Variants in FBN2 observed in about 807,000 individuals in gnomAD.
The protein encoded by FBN2 is fibrillin 2.
FBN2 carries 105 observed loss-of-function variants against 355.6 expected under a neutral mutation model. That is an observed-to-expected ratio of 0.30 (90% confidence interval 0.25 to 0.35). The LOEUF (loss-of-function observed/expected upper bound fraction) is 0.35, where lower values mean the gene tolerates loss of function less well. Ranked by LOEUF, FBN2 falls within the 10% of genes least tolerant of loss-of-function variation. The probability of loss-of-function intolerance (pLI) is 1.00; values close to 1 mark genes in which losing one functional copy is unlikely to be tolerated. For missense variants in FBN2, 3,280 were observed against 3,758.7 expected (o/e 0.87, Z 3.33); for synonymous variants, 1,350 against 1,301.2 (o/e 1.04, Z -0.81).
intron 10 of FBN2, 82 bp from the exon 11 acceptor site, chr5:128,392,237 T>G (rs1752535679): frequency 1.7e-6 from 2 of 1,209,490 alleles, no homozygotes; most frequent in Admixed American, 3.4e-5. Flanking sequence ...GGACATTTAA[T>G]AGTAAATTAA....
rs879089995 is a variant in FBN2, at chr5:128,311,962, CA to C, written c.4880-10del. The C allele has an allele frequency of 6.2e-7, 1 of 1,601,486 alleles. No homozygotes were observed. The highest frequency in any genetic ancestry group is 1.1e-5 in the South Asian group (1 of 90,672). ...CAGGGTGTAATATTCAGCTACAAAA[CA>C]ATAGAAAAATAAGAGGTTTGATACC... On this transcript the variant is annotated splice_polypyrimidine_tract_variant and intron_variant, in intron 37 of 64. Coordinates refer to ENST00000262464, the MANE Select transcript of FBN2 (RefSeq NM_001999.4).
At chr5:128,428,382 T>G (rs1240139466) in intron 7 of FBN2, among the ~76,000 whole-genome samples, 1 of 152,204 alleles carries the variant, frequency 6.6e-6, no homozygotes, top group Non-Finnish European at 1.5e-5. Flanking sequence ...GGCCCTGGAC[T>G]ACATCTCTAA....
intron 15 of FBN2, 62 bp from the exon 16 acceptor site, chr5:128,369,396 G>T: frequency 6.4e-7 from 1 of 1,572,934 alleles, no homozygotes; most frequent in Non-Finnish European, 8.7e-7. Context: ...TTTCGAAACA[G>T]AAGGCTTCTT....
chr5:128,527,772 G>T, intron 4 of FBN2, 100 bp downstream of exon 4: 1 of 846,458 alleles, frequency 1.2e-6, no homozygotes, highest in Non-Finnish European at 2.0e-6. Flanking sequence ...ACATAAAATT[G>T]TTTTTTCAAA....
chr5:128,328,858 CA>C, intron 33 of FBN2, 37 bp from the exon 34 acceptor site: 1 of 1,611,874 alleles, frequency 6.2e-7, no homozygotes, highest in Non-Finnish European at 8.5e-7. Context: ...TGTTAAGTTC[CA>C]AATTTCATGA....
chr5:128,455,891 G>A (rs759625764), intron 6 of FBN2, among the ~76,000 whole-genome samples: 1 of 146,466 alleles, frequency 6.8e-6, no homozygotes, highest in East Asian at 2.1e-4. Context: ...GCAGGAATCT[G>A]CTTAAGCCTA....
At chr5:128,459,996 T>C (rs1303210296) in intron 6 of FBN2, among the ~76,000 whole-genome samples, 1 of 152,136 alleles carries the variant, frequency 6.6e-6, no homozygotes, top group African/African-American at 2.4e-5. Context: ...ATAAAGGGTA[T>C]TTAAATAGGA....
At chr5:128,296,935 G>A (rs1291570699) in intron 48 of FBN2, among the ~76,000 whole-genome samples, 1 of 152,138 alleles carries the variant, frequency 6.6e-6, no homozygotes, top group Non-Finnish European at 1.5e-5. Context: ...ATGTTAGGGT[G>A]TCAATTTTGG....
intron 5 of FBN2, among the ~76,000 whole-genome samples, chr5:128,504,138 T>C (rs1755890385): frequency 6.6e-6 from 1 of 152,194 alleles, no homozygotes; most frequent in African/African-American, 2.4e-5. Flanking sequence ...GAATTGAGGT[T>C]TGGGAACTCC....
At chr5:128,273,705 G>A (rs1765318492) in intron 61 of FBN2, 135 bp downstream of exon 61, 1 of 861,622 alleles carries the variant, frequency 1.2e-6, no homozygotes, top group East Asian at 2.7e-5. Flanking sequence ...TTTATGACCA[G>A]GAATAAGTTG....
intron 6 of FBN2, among the ~76,000 whole-genome samples, chr5:128,461,738 A>C (rs1489749350): frequency 6.6e-6 from 1 of 152,090 alleles, no homozygotes; most frequent in Non-Finnish European, 1.5e-5. Flanking sequence ...ATCCTCTGCA[A>C]ACTAACACAG....
chr5:128,537,844 T>TGCAGCCGGCAGCCCC lies in FBN2; in HGVS notation c.-256_-242dup. On this transcript the variant is annotated 5_prime_UTR_variant, in exon 1 of 65. Transcript: ENST00000262464. ...AGTGAGCGGCGAGGCGCGGCGGAGG[T>TGCAGCCGGCAGCCCC]GCAGCCGGCAGCCCCGAGCGGTACA... is the stretch of plus-strand genomic sequence containing the variant. The TGCAGCCGGCAGCCCC allele has an allele frequency of 1.7e-6, 1 of 592,784 alleles. No individual in the cohort carries two copies. Among genetic ancestry groups the TGCAGCCGGCAGCCCC allele is most frequent in the South Asian group, 2.0e-5 (1 of 50,072 alleles). The allele number at this position is 592,784 out of a possible 1,614,324, so 36.7% of individuals were successfully genotyped here.
intron 5 of FBN2, among the ~76,000 whole-genome samples, chr5:128,514,303 T>C (rs1023624218): frequency 3.3e-5 from 5 of 152,234 alleles, no homozygotes; most frequent in Non-Finnish European, 5.9e-5. Flanking sequence ...GCTATGTTTT[T>C]TCATTCTACA....
At position 128,369,346 on chromosome 5, in the gene FBN2, AC is replaced by A. The variant is rs746826953; in HGVS notation, c.2096-13del. On this transcript the variant is annotated splice_polypyrimidine_tract_variant and intron_variant, in intron 15 of 64. Coordinates refer to ENST00000262464, the MANE Select transcript of FBN2 (RefSeq NM_001999.4). ...GCGCATGTGAGTATCTAAAGGAGATACAAAAACAATGACTTGAGGCAGTGAT... is the reference window on the plus strand; with the variant it reads ...GCGCATGTGAGTATCTAAAGGAGATAAAAAACAATGACTTGAGGCAGTGAT... The A allele has an allele frequency of 9.9e-6, 16 of 1,613,878 alleles. No individual in the cohort carries two copies.
rs368992981 is a variant in FBN2, at chr5:128,393,153, G to A, written c.1447C>T (p.Pro483Ser). The A allele has an allele frequency of 1.2e-6, 2 of 1,613,770 alleles. No homozygotes were observed. Among genetic ancestry groups the A allele is most frequent in the Non-Finnish European group, 1.7e-6 (2 of 1,179,676 alleles). The change falls in exon 10 of 65, where the codon CCT becomes TCT. Residue 483 changes from proline (P) to serine (S), a missense_variant. Coordinates refer to ENST00000262464, the MANE Select transcript of FBN2 (RefSeq NM_001999.4). Reference sequence around the variant, plus strand: ...CACTTACTTAGTCCAGTGATGATAGGTCCCTGTCCCCCGGCCCCCACACCG... The same window carrying A: ...CACTTACTTAGTCCAGTGATGATAGATCCCTGTCCCCCGGCCCCCACACCG... ...GAGVGAGGQG[P>S]IITGLTILNQ...
chr5:128,493,484 C>T (rs556618077), intron 5 of FBN2, among the ~76,000 whole-genome samples: 6 of 152,230 alleles, frequency 3.9e-5, no homozygotes, highest in Non-Finnish European at 8.8e-5. Flanking sequence ...GCCATCAAAA[C>T]CTCACAACTC....
In FBN2 at chr5:128,333,814, C is replaced by T. The variant is rs951768974; in HGVS notation, c.4100-780G>A. Among the ~76,000 whole-genome samples the T allele has an allele frequency of 7.8e-5, 11 of 141,614 alleles. No homozygotes were observed. The South Asian group carries it at 9.6e-4, about 12-fold the overall frequency. The allele number at this position is 141,614 out of a possible 152,430, so 92.9% of individuals were successfully genotyped here. A position where few individuals can be genotyped will look rare whatever the true frequency, so the allele number is the denominator to read the frequency against. On this transcript the variant is annotated intron_variant, in intron 31 of 64. Coordinates refer to ENST00000262464, the MANE Select transcript of FBN2 (RefSeq NM_001999.4). ...TAGTAATGTGTTCTATCTAGTTCAA[C>T]GATTACATATTATAGATGCTGAAAT... is the stretch of plus-strand genomic sequence containing the variant.
At chr5:128,336,863 C>T (rs80033324) in intron 27 of FBN2, among the ~76,000 whole-genome samples, 12,381 of 152,172 alleles carry the variant, frequency 0.081, 705 homozygotes, top group Admixed American at 0.18. Flanking sequence ...AGGTAAAAAA[C>T]AGTACAGTAT....
At chr5:128,432,029 T>C (rs1308201474) in intron 7 of FBN2, among the ~76,000 whole-genome samples, 1 of 152,232 alleles carries the variant, frequency 6.6e-6, no homozygotes, top group Non-Finnish European at 1.5e-5. Flanking sequence ...ATGATGATAA[T>C]GATAAATCTT....
Sources: allele counts gnomAD v4.1 joint callset (sites outside exome capture counted in the v4.1 genomes callset), GRCh38; gene constraint gnomAD v4.1.1; transcripts MANE v1.5; gene names NCBI Gene and HGNC (gene_info 2026-07-23, HGNC 2026-07-21).